Variants in RB1 observed in about 807,000 individuals in gnomAD.
RB1 encodes the protein RB transcriptional corepressor 1.
In RB1, 18 loss-of-function variants were observed where a neutral mutation model predicts 135.4. That is an observed-to-expected ratio of 0.13 (90% CI 0.09 to 0.20). The LOEUF is 0.20. Among genes scored for constraint, RB1 ranks in the 10% least tolerant of loss-of-function variants. RB1 has a pLI of 1.00. For missense variants in RB1, 868 were observed against 1,110.0 expected, an observed-to-expected ratio of 0.78 and a Z score of 3.10; for synonymous variants, 365 against 373.2, an observed-to-expected ratio of 0.98 and a Z score of 0.25.
At chr13:48,370,918 A>C (rs1231603662) in intron 11 of RB1, among the ~76,000 whole-genome samples, 7 of 152,216 alleles carry the variant, frequency 4.6e-5, no homozygotes, top group African/African-American at 1.2e-4. Context: ...GCTGCCAGCC[A>C]TGTCAATTCA....
At chr13:48,409,569 G>GTTT (rs1948772358) in intron 17 of RB1, among the ~76,000 whole-genome samples, 1 of 90,524 alleles carries the variant, frequency 1.1e-5, no homozygotes, top group African/African-American at 4.3e-5. Flanking sequence ...AGAACTGCTT[G>GTTT]ATTTTTTTTT....
chr13:48,332,927 G>A, intron 2 of RB1: 1 of 397,184 alleles, frequency 2.5e-6, no homozygotes, highest in Non-Finnish European at 4.4e-6. Flanking sequence ...CACAGTAAGA[G>A]ATTAGTAACA....
chr13:48,344,191 G>C (rs1333436319), intron 3 of RB1, among the ~76,000 whole-genome samples: 1 of 152,220 alleles, frequency 6.6e-6, no homozygotes, highest in Non-Finnish European at 1.5e-5. Context: ...TTATGGAAAA[G>C]AGTAACGAAG....
intron 4 of RB1, among the ~76,000 whole-genome samples, chr13:48,347,300 G>C (rs1952507155): frequency 1.3e-5 from 2 of 152,092 alleles, no homozygotes; most frequent in African/African-American, 2.4e-5. Context: ...GAGCATCTTA[G>C]AGATTAGCAT....
intron 17 of RB1, among the ~76,000 whole-genome samples, chr13:48,389,252 CA>C (rs1948594152): frequency 6.6e-6 from 1 of 151,934 alleles, no homozygotes; most frequent in Non-Finnish European, 1.5e-5. Context: ...AGTGCTTGCT[CA>C]CTCAGACTTT....
At chr13:48,314,028 G>A (rs968887652) in intron 2 of RB1, among the ~76,000 whole-genome samples, 3 of 152,256 alleles carry the variant, frequency 2.0e-5, no homozygotes, top group Admixed American at 1.3e-4. Flanking sequence ...GATTACAGGC[G>A]TGAGCCACCG....
intron 9 of RB1, among the ~76,000 whole-genome samples, chr13:48,366,456 T>C (rs1288769219): frequency 6.6e-6 from 1 of 152,226 alleles, no homozygotes. Context: ...TTGGATTTCT[T>C]CCTATCACTC....
chr13:48,475,611 G>A (rs1949499419), intron 24 of RB1, among the ~76,000 whole-genome samples: 1 of 152,224 alleles, frequency 6.6e-6, no homozygotes, highest in African/African-American at 2.4e-5. Context: ...GGAAATGACA[G>A]CCCATTACTT....
chr13:48,324,706 A>C (rs1952270207), intron 2 of RB1, among the ~76,000 whole-genome samples: 1 of 152,018 alleles, frequency 6.6e-6, no homozygotes, highest in Non-Finnish European at 1.5e-5. Flanking sequence ...TACTGTTTTT[A>C]TTTCTTTTGG....
chr13:48,472,972 C>A (rs948067984), intron 23 of RB1, among the ~76,000 whole-genome samples: 1 of 151,064 alleles, frequency 6.6e-6, no homozygotes, highest in African/African-American at 2.5e-5. Context: ...CTGATTATTA[C>A]TTAATATTCT....
At chr13:48,432,695 C>T (rs1030232765) in intron 17 of RB1, among the ~76,000 whole-genome samples, 3 of 152,118 alleles carry the variant, frequency 2.0e-5, no homozygotes, top group Non-Finnish European at 4.4e-5. Flanking sequence ...TGTCAACTGT[C>T]TTCCTTGACT....
intron 17 of RB1, among the ~76,000 whole-genome samples, chr13:48,385,028 G>T (rs1948562051): frequency 6.6e-6 from 1 of 152,172 alleles, no homozygotes; most frequent in African/African-American, 2.4e-5. Flanking sequence ...ATGCCAGCAG[G>T]TGATGAAATG....
At chr13:48,316,040 G>T (rs79437868) in intron 2 of RB1, among the ~76,000 whole-genome samples, 1 of 152,112 alleles carries the variant, frequency 6.6e-6, no homozygotes, top group Non-Finnish European at 1.5e-5. Context: ...CATATAAAAA[G>T]GGGTTTATTT....
At chr13:48,416,203 G>T (rs1412090195) in intron 17 of RB1, 1 of 152,162 alleles carries the variant, frequency 6.6e-6, no homozygotes. Context: ...CAGAAGGTGG[G>T]TGATTTCTCT....
intron 17 of RB1, among the ~76,000 whole-genome samples, chr13:48,443,751 A>G (rs553444928): frequency 2.6e-5 from 4 of 152,140 alleles, no homozygotes; most frequent in Non-Finnish European, 4.4e-5. Flanking sequence ...TAAATTTTCC[A>G]TCTTAGGCAC....
chr13:48,362,753 A>G (rs1952654478), intron 7 of RB1, 62 bp from the exon 8 acceptor site: 3 of 1,527,236 alleles, frequency 2.0e-6, no homozygotes, highest in Non-Finnish European at 1.8e-6. Flanking sequence ...TATAGTTAGA[A>G]TACTTCATTA....
chr13:48,336,533 C>A (rs1952387050), intron 2 of RB1, among the ~76,000 whole-genome samples: 1 of 151,990 alleles, frequency 6.6e-6, no homozygotes. Context: ...GTGGTGATAT[C>A]CCCTTTATCA....
At chr13:48,348,241 C>A (rs1019314394) in intron 5 of RB1, among the ~76,000 whole-genome samples, 1 of 151,906 alleles carries the variant, frequency 6.6e-6, no homozygotes, top group African/African-American at 2.4e-5. Context: ...ATTAAAATTT[C>A]CAAATGATTA....
intron 1 of RB1, among the ~76,000 whole-genome samples, chr13:48,306,076 C>T (rs1952077985): frequency 6.6e-6 from 1 of 151,630 alleles, no homozygotes; most frequent in Admixed American, 6.6e-5. Flanking sequence ...TGGAGGCCAG[C>T]CTGGGCAACA....
Sources: gnomAD v4.1 joint callset for allele counts (sites outside exome capture counted in the v4.1 genomes callset) on GRCh38, gnomAD v4.1.1 for gene constraint, MANE v1.5 for transcripts, NCBI Gene and HGNC (gene_info 2026-07-23, HGNC 2026-07-21) for gene names.